Variants in KDM4C observed in about 807,000 individuals in gnomAD.
KDM4C encodes the protein lysine-specific demethylase 4C.
In KDM4C, 81 loss-of-function variants were observed where a neutral mutation model predicts 129.3. The ratio of observed to expected loss-of-function variants is 0.63; its 90% CI spans 0.52 to 0.75. The LOEUF (loss-of-function observed/expected upper bound fraction) is 0.75, where lower values mean the gene tolerates loss of function less well. Ranked by LOEUF, KDM4C falls within the 30% of genes least tolerant of loss-of-function variation. The pLI is 0.00. For synonymous variants in KDM4C, 573 were observed against 456.1 expected (o/e 1.26, Z -3.26); for missense variants, 1,457 against 1,304.0 (o/e 1.12, Z -1.81).
At chr9:6,778,456 A>C (rs1823573716) in intron 1 of KDM4C, among the ~76,000 whole-genome samples, 1 of 151,944 alleles carries the variant, frequency 6.6e-6, no homozygotes, top group Admixed American at 6.6e-5. Flanking sequence ...TTCCACAGCT[A>C]AATACAAAAG....
rs930868849 is a variant in KDM4C at position 7,110,169 on chromosome 9, T to G, written c.2610+6299T>G. Among the ~76,000 whole-genome samples the G allele has an allele frequency of 5.9e-5, 9 of 152,328 alleles. No individual in the cohort carries two copies. The East Asian group carries it at 7.7e-4, about 13-fold the overall frequency. On this transcript the variant is annotated intron_variant, in intron 18 of 21. Transcript: ENST00000381309. ...TTTTTCGCAGTGGGAAATGCCAAAGTTATCTTGGTTTCTATTGTACCAAAC... is the reference window on the plus strand; with the variant it reads ...TTTTTCGCAGTGGGAAATGCCAAAGGTATCTTGGTTTCTATTGTACCAAAC...
intron 17 of KDM4C, among the ~76,000 whole-genome samples, chr9:7,059,942 G>T (rs1014964928): frequency 3.3e-5 from 5 of 151,896 alleles, no homozygotes; most frequent in African/African-American, 9.7e-5. Flanking sequence ...CACATAAATA[G>T]AAGTTTTTTG....
intron 12 of KDM4C, among the ~76,000 whole-genome samples, chr9:7,004,831 C>A (rs1438714147): frequency 6.6e-6 from 1 of 152,172 alleles, no homozygotes; most frequent in Non-Finnish European, 1.5e-5. Flanking sequence ...AGTGTTTAAG[C>A]ATACATTTAC....
chr9:6,946,806 C>G (rs945105421), intron 8 of KDM4C, among the ~76,000 whole-genome samples: 2 of 151,888 alleles, frequency 1.3e-5, no homozygotes, highest in Non-Finnish European at 2.9e-5. Flanking sequence ...GTCTTTTTCA[C>G]TCTTTAATTG....
intron 4 of KDM4C, chr9:6,835,182 C>A: frequency 1.1e-6 from 1 of 938,686 alleles, no homozygotes; most frequent in Non-Finnish European, 1.8e-6. Context: ...AGCTGACTGA[C>A]GGCCAGGTCA....
At chr9:6,736,800 C>G (rs1056365874) in intron 1 of KDM4C, among the ~76,000 whole-genome samples, 5 of 152,026 alleles carry the variant, frequency 3.3e-5, no homozygotes, top group African/African-American at 1.2e-4. Context: ...CCTGTAATCC[C>G]AGAACTTTTG....
intron 15 of KDM4C, among the ~76,000 whole-genome samples, chr9:7,038,029 G>C (rs989088752): frequency 4.6e-5 from 7 of 152,090 alleles, no homozygotes; most frequent in African/African-American, 4.8e-5. Context: ...AGGATGAACA[G>C]TTTTGATATC....
chr9:7,119,567 G>A (rs1333945888), intron 18 of KDM4C, among the ~76,000 whole-genome samples: 1 of 151,090 alleles, frequency 6.6e-6, no homozygotes, highest in East Asian at 1.9e-4. Flanking sequence ...TTAGATATTA[G>A]TATTTAATGC....
At chr9:6,829,315 C>A (rs1834404928) in intron 4 of KDM4C, among the ~76,000 whole-genome samples, 2 of 152,266 alleles carry the variant, frequency 1.3e-5, no homozygotes, top group Middle Eastern at 3.4e-3. Flanking sequence ...GGAAGCTGAG[C>A]CTGTTTTGTG....
intron 19 of KDM4C, among the ~76,000 whole-genome samples, chr9:7,140,463 G>T (rs1260409397): frequency 3.3e-5 from 5 of 152,212 alleles, no homozygotes; most frequent in African/African-American, 9.6e-5. Flanking sequence ...AATAGTATGT[G>T]TGGTGCTCAA....
chr9:6,783,277 C>G (rs956231250), intron 1 of KDM4C, among the ~76,000 whole-genome samples: 1 of 152,088 alleles, frequency 6.6e-6, no homozygotes, highest in South Asian at 2.1e-4. Flanking sequence ...GTGCTGGCCA[C>G]AAAGAGGCAA....
intron 3 of KDM4C, among the ~76,000 whole-genome samples, chr9:6,810,328 T>C (rs1830915278): frequency 6.6e-6 from 1 of 152,182 alleles, no homozygotes; most frequent in African/African-American, 2.4e-5. Context: ...CAGTGCTTGG[T>C]ATAGTATCTG....
chr9:7,055,231 C>T (rs758300304), intron 17 of KDM4C, among the ~76,000 whole-genome samples: 25 of 152,174 alleles, frequency 1.6e-4, no homozygotes, highest in Non-Finnish European at 3.4e-4. Context: ...CAAATGCATC[C>T]GTCCTCACAG....
At chr9:7,017,259 C>CA (rs1265377649) in intron 15 of KDM4C, among the ~76,000 whole-genome samples, 6 of 152,192 alleles carry the variant, frequency 3.9e-5, no homozygotes, top group African/African-American at 1.4e-4. Flanking sequence ...TTTCAACTAG[C>CA]ATGAGGTCTT....
At chr9:6,831,965 C>T (rs895548153) in intron 4 of KDM4C, among the ~76,000 whole-genome samples, 1 of 152,166 alleles carries the variant, frequency 6.6e-6, no homozygotes, top group African/African-American at 2.4e-5. Flanking sequence ...AGTACTTAGG[C>T]AGTCTCTGCC....
At chr9:6,974,219 C>T (rs1832536877) in intron 8 of KDM4C, among the ~76,000 whole-genome samples, 1 of 152,142 alleles carries the variant, frequency 6.6e-6, no homozygotes, top group African/African-American at 2.4e-5. Flanking sequence ...ATTGTGTTAA[C>T]TTCGTCATTG....
At chr9:6,879,983 A>G (rs1226422313) in intron 5 of KDM4C, 29 bp from the exon 6 acceptor site, 2 of 1,374,092 alleles carry the variant, frequency 1.5e-6, no homozygotes, top group South Asian at 2.6e-5. Flanking sequence ...TTATAAACCT[A>G]AAATTTTTAC....
At chr9:6,736,691 T>C (rs530327864) in intron 1 of KDM4C, among the ~76,000 whole-genome samples, 3 of 152,258 alleles carry the variant, frequency 2.0e-5, no homozygotes, top group Admixed American at 2.0e-4. Flanking sequence ...CCAAAGGCTC[T>C]GTCCCAAAGC....
At chr9:7,101,142 C>T (rs1564117773) in intron 17 of KDM4C, among the ~76,000 whole-genome samples, 2 of 152,134 alleles carry the variant, frequency 1.3e-5, no homozygotes, top group South Asian at 4.2e-4. Context: ...CTCTGTTGTC[C>T]CCAGGCATGA....
Sources: gnomAD v4.1 joint callset for allele counts (sites outside exome capture counted in the v4.1 genomes callset) on GRCh38, gnomAD v4.1.1 for gene constraint, MANE v1.5 for transcripts, NCBI Gene and HGNC (gene_info 2026-07-23, HGNC 2026-07-21) for gene names.